Variants in ADGRG6 observed in about 807,000 individuals in gnomAD.
The protein encoded by ADGRG6 is adhesion G protein-coupled receptor G6.
ADGRG6 carries 84 observed loss-of-function variants against 142.4 expected under a neutral mutation model. That is an observed-to-expected ratio of 0.59 (90% CI 0.49 to 0.71). The LOEUF (loss-of-function observed/expected upper bound fraction) is 0.71, where lower values mean the gene tolerates loss of function less well. ADGRG6 is among the 30% of genes least tolerant of loss of function. The pLI is 0.00. For synonymous variants in ADGRG6, 521 were observed against 520.5 expected (o/e 1.00, Z -0.01); for missense variants, 1,367 against 1,466.6 (o/e 0.93, Z 1.11).
At chr6:142,419,125 CAA>C (rs1164108655) in intron 21 of ADGRG6, among the ~76,000 whole-genome samples, 2 of 152,094 alleles carry the variant, frequency 1.3e-5, no homozygotes, top group Admixed American at 6.6e-5. Flanking sequence ...GCCACAGTAA[CAA>C]ACTCACAACT....
intron 2 of ADGRG6, among the ~76,000 whole-genome samples, chr6:142,317,290 T>A (rs1778131905): frequency 6.6e-6 from 1 of 152,040 alleles, no homozygotes; most frequent in African/African-American, 2.4e-5. Context: ...ATTTTAAGCC[T>A]TTTCTGATAT....
intron 2 of ADGRG6, among the ~76,000 whole-genome samples, chr6:142,341,251 C>G (rs530053963): frequency 6.7e-6 from 1 of 150,224 alleles, no homozygotes; most frequent in South Asian, 2.1e-4. Context: ...CTACCACCTC[C>G]AAGCCTTGTG....
At chr6:142,323,829 T>C (rs1253754975) in intron 2 of ADGRG6, among the ~76,000 whole-genome samples, 1 of 152,052 alleles carries the variant, frequency 6.6e-6, no homozygotes. Context: ...CCCACTATCA[T>C]ATATTTGGTC....
At chr6:142,354,208 C>T (rs1446201177) in intron 2 of ADGRG6, among the ~76,000 whole-genome samples, 2 of 152,018 alleles carry the variant, frequency 1.3e-5, no homozygotes, top group African/African-American at 4.8e-5. Flanking sequence ...GGTGAAACCC[C>T]ATCTCTACTA....
intron 2 of ADGRG6, among the ~76,000 whole-genome samples, chr6:142,334,374 A>G (rs889951477): frequency 1.3e-5 from 2 of 152,314 alleles, no homozygotes; most frequent in Middle Eastern, 3.4e-3. Flanking sequence ...CAGGCTATCT[A>G]TACCATCCTA....
intron 10 of ADGRG6, among the ~76,000 whole-genome samples, chr6:142,399,457 C>T (rs903973938): frequency 3.3e-5 from 5 of 152,118 alleles, no homozygotes; most frequent in African/African-American, 1.2e-4. Context: ...TACCCTTTCA[C>T]GTATAGGAGT....
In ADGRG6 at chr6:142,302,149, G is replaced by C. The variant is rs1777249862; in HGVS notation, c.-181G>C. ...CTGCGCTGAACGCTGCCGCGCCCAGGGTTCACCTTGCGCCGTCGGGAAAGC... is the reference window on the plus strand; with the variant it reads ...CTGCGCTGAACGCTGCCGCGCCCAGCGTTCACCTTGCGCCGTCGGGAAAGC... On this transcript the variant is annotated 5_prime_UTR_variant, in exon 1 of 25. Coordinates refer to ENST00000367609, the MANE Select transcript of ADGRG6 (RefSeq NM_198569.3). 1 of 628,234 alleles carries C rather than the reference G, an allele frequency of 1.6e-6. No individual in the cohort carries two copies. Among genetic ancestry groups the C allele is most frequent in the Non-Finnish European group, 2.7e-6 (1 of 368,796 alleles). 38.9% of individuals were successfully genotyped at this position (628,234 alleles called of 1,614,324 possible).
intron 2 of ADGRG6, among the ~76,000 whole-genome samples, chr6:142,314,622 G>A (rs1172110769): frequency 6.6e-6 from 1 of 152,136 alleles, no homozygotes; most frequent in African/African-American, 2.4e-5. Flanking sequence ...TGTTTTTTAA[G>A]TACAAATTTT....
At chr6:142,396,453 CTT>C (rs1048467421) in intron 9 of ADGRG6, among the ~76,000 whole-genome samples, 10 of 152,240 alleles carry the variant, frequency 6.6e-5, no homozygotes, top group African/African-American at 2.2e-4. Flanking sequence ...GGAAAGAAAA[CTT>C]GAGCTATTCT....
chr6:142,437,907 A>AC (rs1777561769), intron 23 of ADGRG6: 1 of 260,634 alleles, frequency 3.8e-6, no homozygotes, highest in African/African-American at 2.2e-5. Flanking sequence ...AAAAAAAAAA[A>AC]AACTGAAAAA....
chr6:142,416,158 C>G, intron 20 of ADGRG6, 94 bp downstream of exon 20: 1 of 883,398 alleles, frequency 1.1e-6, no homozygotes. Flanking sequence ...AAAATAGTAC[C>G]ATTAAGAGGA....
Position 142,444,948 on chromosome 6 carries a change from A to G in ADGRG6, c.*1433A>G, listed in dbSNP as rs1284797287. The G allele has an allele frequency of 2.0e-5, 3 of 152,224 alleles. No individual in the cohort carries two copies. The highest frequency in any genetic ancestry group is 7.2e-5 in the African/African-American group (3 of 41,464). 9.4% of individuals were successfully genotyped at this position (152,224 alleles called of 1,614,324 possible). A position where few individuals can be genotyped will look rare whatever the true frequency, so the allele number is the denominator to read the frequency against. ...AAAAGGAGACATTCTGGCAAAGCCA[A>G]TCTGCTTAAAGGCAAAGTCCAGAAC... On this transcript the variant is annotated 3_prime_UTR_variant, in exon 25 of 25. Transcript: ENST00000367609.
At chr6:142,302,879 A>ATTAAGGG in intron 1 of ADGRG6, 2 of 153,046 alleles carry the variant, frequency 1.3e-5, no homozygotes, top group East Asian at 3.9e-4. Context: ...TTAGGAAGTA[A>ATTAAGGG]TTAAGGGTTA....
chr6:142,371,541 T>C (rs1781261249), intron 4 of ADGRG6, among the ~76,000 whole-genome samples: 2 of 148,952 alleles, frequency 1.3e-5, no homozygotes, highest in African/African-American at 5.0e-5. Context: ...TGGAGTGCAG[T>C]GTCATGAGAT....
At chr6:142,349,528 G>A (rs547892155) in intron 2 of ADGRG6, among the ~76,000 whole-genome samples, 32 of 152,320 alleles carry the variant, frequency 2.1e-4, no homozygotes, top group African/African-American at 7.5e-4. Flanking sequence ...CAGTCCTCCC[G>A]TAGTCTGAGG....
At chr6:142,332,492 C>CTTT (rs11314004) in intron 2 of ADGRG6, among the ~76,000 whole-genome samples, 1 of 141,706 alleles carries the variant, frequency 7.1e-6, no homozygotes, top group Non-Finnish European at 1.5e-5. Flanking sequence ...ATGTTTTTTG[C>CTTT]TTTTTTTTTT....
intron 21 of ADGRG6, among the ~76,000 whole-genome samples, chr6:142,417,678 C>T (rs1024362941): frequency 6.6e-6 from 1 of 152,166 alleles, no homozygotes; most frequent in Non-Finnish European, 1.5e-5. Context: ...CAAACCCACC[C>T]ACGTCTTCAA....
chr6:142,302,469 T>C, intron 1 of ADGRG6, 138 bp downstream of exon 1: 1 of 859,002 alleles, frequency 1.2e-6, no homozygotes, highest in East Asian at 2.8e-5. Flanking sequence ...ATAAACCGGT[T>C]TGTCTTCAGT....
At chr6:142,362,859 T>C (rs2114834337) in intron 2 of ADGRG6, among the ~76,000 whole-genome samples, 1 of 152,300 alleles carries the variant, frequency 6.6e-6, no homozygotes, top group East Asian at 1.9e-4. Context: ...GAATTCATAG[T>C]TGCTGGCCCT....
Sources: allele counts gnomAD v4.1 joint callset (sites outside exome capture counted in the v4.1 genomes callset), GRCh38; gene constraint gnomAD v4.1.1; transcripts MANE v1.5; gene names NCBI Gene and HGNC (gene_info 2026-07-23, HGNC 2026-07-21).